Variants in ZHX2 observed in about 807,000 individuals in gnomAD.
ZHX2 encodes the protein zinc fingers and homeoboxes protein 2.
In ZHX2, 6 loss-of-function variants were observed where a neutral mutation model predicts 21.9. The ratio of observed to expected loss-of-function variants is 0.27; its 90% CI spans 0.15 to 0.54. The LOEUF (loss-of-function observed/expected upper bound fraction) is 0.54. Among genes scored for constraint, ZHX2 ranks in the 20% least tolerant of loss-of-function variants. The probability of loss-of-function intolerance (pLI) is 0.95; values close to 1 mark genes in which losing one functional copy is unlikely to be tolerated. For synonymous variants in ZHX2, 434 were observed against 437.1 expected, an observed-to-expected ratio of 0.99 and a Z score of 0.09; for missense variants, 908 against 1,090.7, an observed-to-expected ratio of 0.83 and a Z score of 2.36.
At position 122,828,437 on chromosome 8, in the gene ZHX2, G is replaced by C. The variant is rs1818306942; in HGVS notation, c.-282-35040G>C. 6.6e-6 allele frequency among the ~76,000 whole-genome samples: 1 copy of C among 152,186 alleles called. No individual in the cohort carries two copies. Among genetic ancestry groups the C allele is most frequent in the Non-Finnish European group, 1.5e-5 (1 of 68,040 alleles). The stretch of plus-strand genomic sequence containing the variant: ...GGCTGAGCATAAGGGTCATTACGTG[G>C]TCACTATGTGGATAAGAGTAACAGA... On this transcript the variant is annotated intron_variant, in intron 1 of 3. Coordinates refer to ENST00000314393, the MANE Select transcript of ZHX2 (RefSeq NM_014943.5). This position sits in a 1 kb window ranked among gnomAD's most constrained non-coding sequence, Gnocchi z 5.2.
intron 3 of ZHX2, among the ~76,000 whole-genome samples, chr8:122,968,667 C>A (rs962939081): frequency 2.0e-4 from 31 of 151,836 alleles, no homozygotes; most frequent in African/African-American, 7.5e-4. Flanking sequence ...GGTGAAACCT[C>A]ATCTCTACTA....
At chr8:122,945,630 C>T (rs552756696) in intron 2 of ZHX2, among the ~76,000 whole-genome samples, 1 of 152,214 alleles carries the variant, frequency 6.6e-6, no homozygotes, top group African/African-American at 2.4e-5. Context: ...AGGATCGTTT[C>T]CATGTAACAT....
chr8:122,881,343 CA>C (rs143654290), intron 2 of ZHX2, among the ~76,000 whole-genome samples: 4,484 of 152,256 alleles, frequency 0.029, 201 homozygotes, highest in African/African-American at 0.1. Flanking sequence ...TGCCTTTGAT[CA>C]AAATCTTAGG....
At chr8:122,818,451 G>T (rs1818076568) in intron 1 of ZHX2, among the ~76,000 whole-genome samples, 2 of 152,074 alleles carry the variant, frequency 1.3e-5, no homozygotes, top group South Asian at 4.1e-4. Flanking sequence ...TCCCTTTGCT[G>T]CCATTTGAGA....
At chr8:122,855,945 C>A (rs774481730) in intron 1 of ZHX2, among the ~76,000 whole-genome samples, 1 of 152,156 alleles carries the variant, frequency 6.6e-6, no homozygotes, top group African/African-American at 2.4e-5. Context: ...AGCAGGGAAG[C>A]TGAACTGGCA....
chr8:122,914,312 T>G (rs889229528), intron 2 of ZHX2, among the ~76,000 whole-genome samples: 2 of 152,178 alleles, frequency 1.3e-5, no homozygotes, highest in African/African-American at 2.4e-5. Context: ...AGAGAAGCAC[T>G]GAAGGCACTT....
intron 1 of ZHX2, among the ~76,000 whole-genome samples, chr8:122,858,630 CTTT>C (rs931019241): frequency 7.3e-6 from 1 of 137,422 alleles, no homozygotes; most frequent in African/African-American, 2.7e-5. Context: ...CTTTTTTTTT[CTTT>C]CTTTCTTTTT....
chr8:122,827,657 A>C (rs978727111), intron 1 of ZHX2, among the ~76,000 whole-genome samples: 2 of 152,220 alleles, frequency 1.3e-5, no homozygotes, highest in Admixed American at 1.3e-4. Flanking sequence ...CAGAATCTTT[A>C]GGGGGTGAAA....
chr8:122,898,058 C>G (rs1037395282), intron 2 of ZHX2, among the ~76,000 whole-genome samples: 1 of 152,020 alleles, frequency 6.6e-6, no homozygotes, highest in African/African-American at 2.4e-5. Flanking sequence ...TTGTCCACAC[C>G]GTGAAAATAA....
intron 2 of ZHX2, among the ~76,000 whole-genome samples, chr8:122,874,188 TC>T (rs1278333381): frequency 6.6e-6 from 1 of 152,178 alleles, no homozygotes. Flanking sequence ...TATTCATTCC[TC>T]TTTGCCATTT....
chr8:122,875,177 A>C (rs1408851959), intron 2 of ZHX2, among the ~76,000 whole-genome samples: 8 of 24,886 alleles, frequency 3.2e-4, no homozygotes, highest in Admixed American at 6.3e-4. Context: ...ATATATATAT[A>C]TATATATATA....
intron 2 of ZHX2, among the ~76,000 whole-genome samples, chr8:122,898,122 G>A (rs1416794048): frequency 6.6e-6 from 1 of 152,168 alleles, no homozygotes; most frequent in Non-Finnish European, 1.5e-5. Context: ...TAGGTGCCTT[G>A]TAGTTTTTAC....
At chr8:122,911,435 C>T (rs765613678) in intron 2 of ZHX2, among the ~76,000 whole-genome samples, 6 of 152,120 alleles carry the variant, frequency 3.9e-5, no homozygotes, top group Non-Finnish European at 8.8e-5. Flanking sequence ...TTCTCTCCTC[C>T]CCTCTACTTT....
At chr8:122,915,839 G>T (rs10091278) in intron 2 of ZHX2, among the ~76,000 whole-genome samples, 6 of 152,238 alleles carry the variant, frequency 3.9e-5, no homozygotes, top group African/African-American at 1.4e-4. Context: ...ACAGTGGTCT[G>T]AAGACCAAAG....
At chr8:122,925,342 G>A (rs569823307) in intron 2 of ZHX2, among the ~76,000 whole-genome samples, 5 of 152,308 alleles carry the variant, frequency 3.3e-5, no homozygotes, top group South Asian at 2.1e-4. Context: ...TTGATCTTCC[G>A]TAACTGCTAA....
rs752108023 is a variant in ZHX2, at chr8:122,953,016, C to T, written c.1506C>T (p.Thr502=). The T allele has an allele frequency of 2.5e-6, 4 of 1,613,882 alleles. No homozygotes were observed. In the African/African-American group the frequency reaches 5.3e-5, roughly 22 times the overall value. The part of the protein sequence containing the change: ...YRCQRGIVHI[T]SESLAKDQLA... ...GTCAAAGGGGCATCGTCCACATCACCAGCGAATCCCTTGCCAAAGACCAGT... is the reference window on the plus strand; with the variant it reads ...GTCAAAGGGGCATCGTCCACATCACTAGCGAATCCCTTGCCAAAGACCAGT... Residue 502 remains threonine, a synonymous_variant, in exon 3 of 4, where the codon ACC becomes ACT. Transcript: ENST00000314393. The surrounding 1 kb of genome is among the most constrained non-coding windows in gnomAD (Gnocchi z 4.6).
intron 2 of ZHX2, among the ~76,000 whole-genome samples, chr8:122,873,586 C>T (rs1460430933): frequency 6.6e-6 from 1 of 152,174 alleles, no homozygotes; most frequent in Non-Finnish European, 1.5e-5. Flanking sequence ...AGGTGATGCT[C>T]CCACTCTGGT....
intron 2 of ZHX2, among the ~76,000 whole-genome samples, chr8:122,879,026 A>G (rs560624796): frequency 2.6e-5 from 4 of 152,246 alleles, no homozygotes; most frequent in Admixed American, 6.5e-5. Flanking sequence ...TCGTAGTGCC[A>G]GGGTTGGATG....
At chr8:122,820,148 A>G (rs1037767068) in intron 1 of ZHX2, among the ~76,000 whole-genome samples, 1 of 152,114 alleles carries the variant, frequency 6.6e-6, no homozygotes, top group Non-Finnish European at 1.5e-5. Flanking sequence ...ACTCAAACCC[A>G]GGGGGAAAAG....
Sources: gnomAD v4.1 joint callset for allele counts (sites outside exome capture counted in the v4.1 genomes callset) on GRCh38, gnomAD v4.1.1 for gene constraint, Gnocchi (gnomAD v3.1) non-coding constraint, MANE v1.5 for transcripts, NCBI Gene and HGNC (gene_info 2026-07-23, HGNC 2026-07-21) for gene names.